CTR9: variants seen among roughly 807,000 people sequenced by gnomAD.
CTR9 encodes CTR9 component of Paf1/RNA polymerase II complex.
In CTR9, 41 loss-of-function variants were observed where a neutral mutation model predicts 152.1. That is an observed-to-expected ratio of 0.27 (90% CI 0.21 to 0.35). The LOEUF (loss-of-function observed/expected upper bound fraction) is 0.35, where lower values mean the gene tolerates loss of function less well. Among genes scored for constraint, CTR9 ranks in the 10% least tolerant of loss-of-function variants. CTR9 has a pLI of 1.00. For synonymous variants in CTR9, 476 were observed against 496.2 expected (o/e 0.96, Z 0.54); for missense variants, 917 against 1,424.4 (o/e 0.64, Z 5.73).
chr11:10,763,941 C>T (rs1863018042), intron 9 of CTR9, 62 bp downstream of exon 9: 1 of 1,386,464 alleles, frequency 7.2e-7, no homozygotes, highest in Non-Finnish European at 1.0e-6. Context: ...TCCCATTTCT[C>T]ATTTCCTGTT....
In CTR9 at chr11:10,778,873, C is replaced by T. The variant is rs1303517696; in HGVS notation, c.3290C>T (p.Ser1097Phe). 1.9e-6 allele frequency: 3 copies of T among 1,614,084 alleles called. No individual in the cohort carries two copies. The highest frequency in any genetic ancestry group is 3.3e-5 in the Admixed American group (2 of 60,002). The change falls in exon 25 of 25, where the codon TCC becomes TTC. Residue 1097 changes from serine (S) to phenylalanine (F), a missense_variant. By Grantham distance (155) the Ser-to-Phe change is radical. Around this residue, in one of 9 missense-constraint regions of CTR9, gnomAD observed 384 missense variants for 398.4 expected, o/e 0.96. Transcript: ENST00000361367. ...SDQPSRKRRPSGSEQSDNESV... is the reference protein window; with the variant it reads ...SDQPSRKRRPFGSEQSDNESV... The stretch of plus-strand genomic sequence containing the variant: ...CAGCCATCCAGAAAGAGAAGGCCCT[C>T]CGGTTCTGAGCAGTCTGACAATGAA...
intron 16 of CTR9, among the ~76,000 whole-genome samples, chr11:10,769,974 A>G (rs1192016711): frequency 6.6e-6 from 1 of 152,204 alleles, no homozygotes; most frequent in Non-Finnish European, 1.5e-5. Context: ...CCAAATTTCA[A>G]ATGGAAAGAA....
In CTR9 at chr11:10,755,718, G is replaced by A; in HGVS notation, c.425G>A (p.Gly142Asp). The part of the protein sequence containing the change: ...LGRACFCLLE[G>D]DKMDQADAQF... ...AGAGCCTGCTTCTGCCTACTTGAGG[G>A]TGACAAAATGGATCAAGCTGATGCA... The change falls in exon 4 of 25, where the codon GGT becomes GAT. Residue 142 changes from glycine to aspartate, a missense_variant. Physicochemically the swap from Gly to Asp is moderately conservative, Grantham distance 94. Around this residue, in one of 9 missense-constraint regions of CTR9, gnomAD observed 110 missense variants for 149.5 expected, o/e 0.74. Transcript: ENST00000361367. The A allele has an allele frequency of 6.2e-7, 1 of 1,613,308 alleles. No homozygotes were observed. Among genetic ancestry groups the A allele is most frequent in the East Asian group, 2.2e-5 (1 of 44,828 alleles).
chr11:10,752,299 G>C (rs1211828591), intron 1 of CTR9, among the ~76,000 whole-genome samples: 2 of 152,132 alleles, frequency 1.3e-5, no homozygotes, highest in Non-Finnish European at 1.5e-5. Context: ...GGCTTGTAGG[G>C]TCATGCATCT....
intron 5 of CTR9, among the ~76,000 whole-genome samples, chr11:10,758,562 T>G (rs539560445): frequency 6.6e-6 from 1 of 152,340 alleles, no homozygotes; most frequent in African/African-American, 2.4e-5. Flanking sequence ...TGGAACTAGT[T>G]TTAGACCTGA....
Position 10,768,510 on chromosome 11 carries a change from A to G in CTR9, c.2109+19A>G. On this transcript the variant is annotated intron_variant, in intron 16 of 24. Transcript: ENST00000361367. ...TCAGATGGTAATAGCTTCTCTTTCA[A>G]GATATTTTTATATCTTGTTCATTGT... is the stretch of plus-strand genomic sequence containing the variant. 6.3e-7 allele frequency: 1 copy of G among 1,578,474 alleles called. No individual in the cohort carries two copies.
At chr11:10,761,227 T>C (rs1862970760) in intron 6 of CTR9, among the ~76,000 whole-genome samples, 1 of 152,170 alleles carries the variant, frequency 6.6e-6, no homozygotes, top group Non-Finnish European at 1.5e-5. Context: ...TGAGAACCAC[T>C]ACCTTAGGCC....
chr11:10,756,961 A>AG (rs200298458), intron 5 of CTR9, 123 bp downstream of exon 5: 171 of 754,900 alleles, frequency 2.3e-4, no homozygotes, highest in African/African-American at 6.5e-4. Flanking sequence ...GTCAGAATCA[A>AG]GTTTTTTTTT....
At chr11:10,763,282 G>A in intron 7 of CTR9, 149 bp from the exon 8 acceptor site, 2 of 647,550 alleles carry the variant, frequency 3.1e-6, no homozygotes, top group East Asian at 5.5e-5. Context: ...TTATTGATTA[G>A]GTTATAACTG....
intron 2 of CTR9, among the ~76,000 whole-genome samples, chr11:10,754,240 A>G (rs918211304): frequency 6.6e-6 from 1 of 152,222 alleles, no homozygotes; most frequent in African/African-American, 2.4e-5. Flanking sequence ...CAAATCACAG[A>G]TAATTTTTGG....
chr11:10,763,366 A>C lies in CTR9; in HGVS notation c.850-65A>C. The C allele has an allele frequency of 3.7e-6, 4 of 1,069,740 alleles. No individual in the cohort carries two copies. The South Asian group carries it at 5.3e-5, about 14-fold the overall frequency. The allele number at this position is 1,069,740 out of a possible 1,614,324, so 66.3% of individuals were successfully genotyped here. On this transcript the variant is annotated intron_variant, in intron 7 of 24. Coordinates refer to ENST00000361367, the MANE Select transcript of CTR9 (RefSeq NM_014633.5). ...TACAGGTAAACGAAGTGTTAGTCTA[A>C]GATAAAACAGCTATGCAAGCTAGTC... is the stretch of plus-strand genomic sequence containing the variant.
At chr11:10,763,262 T>C (rs1189672108) in intron 7 of CTR9, among the ~76,000 whole-genome samples, 169 bp from the exon 8 acceptor site, 1 of 149,626 alleles carries the variant, frequency 6.7e-6, no homozygotes, top group Admixed American at 6.6e-5. Flanking sequence ...TACTCCCCTT[T>C]CATAGTGAAT....
At chr11:10,765,256 A>T (rs1863042133) in intron 12 of CTR9, among the ~76,000 whole-genome samples, 1 of 152,166 alleles carries the variant, frequency 6.6e-6, no homozygotes, top group Admixed American at 6.5e-5. Context: ...CTGCAGCGGG[A>T]TCGCTTGAGT....
chr11:10,756,033 C>G (rs1862878562), intron 4 of CTR9, among the ~76,000 whole-genome samples: 1 of 152,058 alleles, frequency 6.6e-6, no homozygotes, highest in Non-Finnish European at 1.5e-5. Context: ...ACTTTGAGAC[C>G]CTGTCTCGTT....
chr11:10,778,767 A>T lies in CTR9; in HGVS notation c.3184A>T (p.Asn1062Tyr), dbSNP rs1250556576. Residue 1062 changes from asparagine to tyrosine, a missense_variant, in exon 25 of 25, where the codon AAC (asparagine) becomes TAC (tyrosine). Around this residue, in one of 9 missense-constraint regions of CTR9, gnomAD observed 384 missense variants for 398.4 expected, o/e 0.96. Coordinates refer to ENST00000361367, the MANE Select transcript of CTR9 (RefSeq NM_014633.5). Reference protein sequence around the residue: ...CASSESDSDENQNKSGSEAGS... With the variant: ...CASSESDSDEYQNKSGSEAGS... Reference sequence around the variant, plus strand: ...CTCATCAGAGAGTGATTCCGATGAGAACCAGAACAAGTCTGGCAGCGAGGC... The same window carrying T: ...CTCATCAGAGAGTGATTCCGATGAGTACCAGAACAAGTCTGGCAGCGAGGC... The T allele has an allele frequency of 1.9e-6, 3 of 1,614,052 alleles. No homozygotes were observed. The South Asian group carries it at 3.3e-5, about 18-fold the overall frequency.
chr11:10,765,781 G>C (rs1863050165), intron 12 of CTR9, among the ~76,000 whole-genome samples: 1 of 152,110 alleles, frequency 6.6e-6, no homozygotes. Context: ...CTATTAACTT[G>C]GTGCCTATCA....
chr11:10,759,261 G>A (rs1245697890), intron 5 of CTR9, among the ~76,000 whole-genome samples: 10 of 152,192 alleles, frequency 6.6e-5, no homozygotes, highest in African/African-American at 2.4e-4. Context: ...GGAAAATAGG[G>A]TAAGTGCATT....
intron 12 of CTR9, among the ~76,000 whole-genome samples, chr11:10,765,353 A>G (rs574832845): frequency 3.3e-5 from 5 of 152,156 alleles, no homozygotes; most frequent in East Asian, 1.9e-4. Context: ...TAGTGTACTT[A>G]ATTTTATTTG....
chr11:10,774,584 G>A (rs1409396799), intron 22 of CTR9, among the ~76,000 whole-genome samples: 3 of 152,198 alleles, frequency 2.0e-5, no homozygotes, highest in Non-Finnish European at 2.9e-5. Context: ...CATAAGATGT[G>A]AATGTGTGTA....
Sources: allele counts gnomAD v4.1 joint callset (sites outside exome capture counted in the v4.1 genomes callset), GRCh38; gene constraint gnomAD v4.1.1; regional missense constraint gnomAD v4.1.1; transcripts MANE v1.5; gene names NCBI Gene and HGNC (gene_info 2026-07-23, HGNC 2026-07-21).